The following MIPEP variants were observed in gnomAD, a reference collection of about 807,000 sequenced individuals.
MIPEP encodes mitochondrial intermediate peptidase.
Under a neutral mutation model 90.3 loss-of-function variants are expected in MIPEP, and 79 were observed. That is an observed-to-expected ratio of 0.87 (90% CI 0.73 to 1.05). MIPEP has a LOEUF of 1.05. MIPEP is among the 50% of genes least tolerant of loss of function. The pLI is 0.00. For missense variants in MIPEP, 940 were observed against 905.6 expected, an observed-to-expected ratio of 1.04 and a Z score of -0.49; for synonymous variants, 334 against 315.8, an observed-to-expected ratio of 1.06 and a Z score of -0.61.
chr13:23,812,664 C>T (rs1435468401), intron 14 of MIPEP, among the ~76,000 whole-genome samples: 1 of 152,038 alleles, frequency 6.6e-6, no homozygotes, highest in Non-Finnish European at 1.5e-5. Flanking sequence ...AAACCAGACA[C>T]TGCCTCTAAA....
intron 16 of MIPEP, 125 bp from the exon 17 acceptor site, chr13:23,760,342 A>T: frequency 8.2e-7 from 1 of 1,212,166 alleles, no homozygotes; most frequent in Admixed American, 1.8e-5. Flanking sequence ...TTTACCCTAG[A>T]AGGCTACGTC....
chr13:23,857,215 A>C (rs1256937949), intron 10 of MIPEP, among the ~76,000 whole-genome samples: 1 of 152,192 alleles, frequency 6.6e-6, no homozygotes, highest in Non-Finnish European at 1.5e-5. Context: ...AAGTTCTGCA[A>C]CCAGAAAACA....
chr13:23,845,552 G>A (rs1869498883), intron 10 of MIPEP, among the ~76,000 whole-genome samples: 1 of 152,190 alleles, frequency 6.6e-6, no homozygotes, highest in South Asian at 2.1e-4. Context: ...GTAAGCTGCT[G>A]TTAGTTTATC....
At chr13:23,760,244 G>A (rs778324238) in intron 16 of MIPEP, 27 bp from the exon 17 acceptor site, 23 of 1,613,638 alleles carry the variant, frequency 1.4e-5, no homozygotes, top group South Asian at 1.1e-4. Context: ...GACACAGCAC[G>A]GGACACAAGT....
At chr13:23,779,793 G>A (rs1173735859) in intron 16 of MIPEP, among the ~76,000 whole-genome samples, 2 of 152,184 alleles carry the variant, frequency 1.3e-5, no homozygotes, top group Non-Finnish European at 2.9e-5. Flanking sequence ...TTAGCAAACG[G>A]CACACGAGGA....
At chr13:23,877,210 T>C (rs888807746) in intron 4 of MIPEP, among the ~76,000 whole-genome samples, 3 of 152,340 alleles carry the variant, frequency 2.0e-5, no homozygotes, top group Non-Finnish European at 2.9e-5. Context: ...AAAAAAATTC[T>C]TTATAAATTG....
intron 16 of MIPEP, among the ~76,000 whole-genome samples, chr13:23,790,911 A>G (rs1306208950): frequency 1.3e-5 from 2 of 152,080 alleles, no homozygotes; most frequent in African/African-American, 4.8e-5. Flanking sequence ...GCCCTAACTC[A>G]GCCTCTCACT....
chr13:23,831,385 G>GGGGT (rs1868746247), intron 14 of MIPEP, among the ~76,000 whole-genome samples: 1 of 132,464 alleles, frequency 7.5e-6, no homozygotes, highest in Non-Finnish European at 1.7e-5. Flanking sequence ...CCCCATGGCG[G>GGGGT]GGGGGGGATG....
intron 16 of MIPEP, among the ~76,000 whole-genome samples, chr13:23,770,116 C>T (rs1437171456): frequency 1.3e-5 from 2 of 152,184 alleles, no homozygotes; most frequent in Non-Finnish European, 2.9e-5. Flanking sequence ...TTATAAGCAA[C>T]AGAAAATGGG....
Position 23,865,613 on chromosome 13 carries a change from T to C in MIPEP, c.944-1424A>G, listed in dbSNP as rs1489066030. Among the ~76,000 whole-genome samples, 8 of 152,322 alleles carry C rather than the reference T, an allele frequency of 5.3e-5. No homozygotes were observed. In the East Asian group the frequency reaches 1.3e-3, roughly 26 times the overall value. The stretch of plus-strand genomic sequence containing the variant: ...GTTTTATTTCTTAATAACCGTGTTT[T>C]AACATTCACCCATCTTATTCTTCCA... On this transcript the variant is annotated intron_variant, in intron 7 of 18. Transcript: ENST00000382172.
At chr13:23,830,139 T>C (rs1229285372) in intron 14 of MIPEP, among the ~76,000 whole-genome samples, 1 of 152,168 alleles carries the variant, frequency 6.6e-6, no homozygotes. Context: ...TTCACAGCAG[T>C]ATCACATGAA....
chr13:23,853,562 C>CTT (rs768091262), intron 10 of MIPEP, among the ~76,000 whole-genome samples: 12 of 138,688 alleles, frequency 8.7e-5, no homozygotes, highest in Non-Finnish European at 1.6e-4. Context: ...CCTAACGATG[C>CTT]TTTTTTTTTT....
chr13:23,787,667 A>G (rs1952861656), intron 16 of MIPEP, among the ~76,000 whole-genome samples: 1 of 152,210 alleles, frequency 6.6e-6, no homozygotes, highest in Non-Finnish European at 1.5e-5. Flanking sequence ...AGTGCTCTGC[A>G]GTGAATGATT....
chr13:23,839,626 C>G, intron 12 of MIPEP, 23 bp downstream of exon 12: 1 of 1,564,560 alleles, frequency 6.4e-7, no homozygotes. Context: ...TCTAGAGAGA[C>G]CAGTTTATAA....
rs1871699880 is a variant in MIPEP, at chr13:23,889,316, A to G, written c.5T>C (p.Leu2Pro). 7.4e-7 allele frequency: 1 copy of G among 1,346,276 alleles called. No individual in the cohort carries two copies. The highest frequency in any genetic ancestry group is 9.5e-7 in the Non-Finnish European group (1 of 1,047,850). 83.4% of individuals were successfully genotyped at this position (1,346,276 alleles called of 1,614,324 possible). The change falls in exon 1 of 19, where the codon CTG becomes CCG. Residue 2 changes from leucine (L) to proline (P), a missense_variant. By Grantham distance (98) the Leu-to-Pro change is moderately conservative (BLOSUM62 -3). Transcript: ENST00000382172. ...CAAGCCGCCCAGCCTTCCGACGCAC[A>G]GCATTCTAGCACCAGAGCAGTCCCT... Reference protein sequence around the residue: MLCVGRLGGLGA... With the variant: MPCVGRLGGLGA...
intron 5 of MIPEP, among the ~76,000 whole-genome samples, chr13:23,872,199 C>T (rs1329905165): frequency 1.3e-5 from 2 of 152,224 alleles, no homozygotes; most frequent in African/African-American, 4.8e-5. Flanking sequence ...CAGTGGCTCA[C>T]GCCTATAATC....
chr13:23,833,616 C>T (rs932493137), intron 14 of MIPEP, among the ~76,000 whole-genome samples: 3 of 152,212 alleles, frequency 2.0e-5, no homozygotes, highest in Non-Finnish European at 2.9e-5. Context: ...CACCTTACAT[C>T]ACACTTGGAG....
chr13:23,817,853 T>C (rs1953259195), intron 14 of MIPEP, among the ~76,000 whole-genome samples: 1 of 152,288 alleles, frequency 6.6e-6, no homozygotes, highest in East Asian at 1.9e-4. Context: ...ACATTCAGTG[T>C]TTACTGAATG....
intron 14 of MIPEP, among the ~76,000 whole-genome samples, chr13:23,815,854 A>C (rs749941270): frequency 1.3e-5 from 2 of 152,100 alleles, no homozygotes; most frequent in Non-Finnish European, 2.9e-5. Context: ...CTCCACCTTA[A>C]GTAGAACTGG....
Sources: gnomAD v4.1 joint callset for allele counts (sites outside exome capture counted in the v4.1 genomes callset) on GRCh38, gnomAD v4.1.1 for gene constraint, MANE v1.5 for transcripts, NCBI Gene and HGNC (gene_info 2026-07-23, HGNC 2026-07-21) for gene names.